The following CDH23 variants were observed in gnomAD, a reference collection of about 807,000 sequenced individuals.
The protein encoded by CDH23 is cadherin related 23.
In CDH23, 189 loss-of-function variants were observed where a neutral mutation model predicts 317.1. The observed-to-expected ratio is 0.60, with a 90% confidence interval of 0.53 to 0.67. The LOEUF is 0.67. CDH23 is among the 30% of genes least tolerant of loss of function. The probability of loss-of-function intolerance (pLI) is 0.00; values close to 1 mark genes in which losing one functional copy is unlikely to be tolerated. For synonymous variants in CDH23, 1,839 were observed against 1,876.8 expected, an observed-to-expected ratio of 0.98 and a Z score of 0.52; for missense variants, 4,401 against 4,592.4, an observed-to-expected ratio of 0.96 and a Z score of 1.20.
Position 71,639,680 on chromosome 10 carries a change from A to G in CDH23, c.1135-4181A>G, listed in dbSNP as rs545262255. On this transcript the variant is annotated intron_variant, in intron 11 of 69. Coordinates refer to ENST00000224721, the MANE Select transcript of CDH23 (RefSeq NM_022124.6). ...TTTCTTTCTCCAAGAAAAGGAGTGG[A>G]CTGACGCTGTCTTTGGGCCATCGTG... is the stretch of plus-strand genomic sequence containing the variant. 2.0e-5 allele frequency among the ~76,000 whole-genome samples: 3 copies of G among 152,296 alleles called. No homozygotes were observed. In the East Asian group the frequency reaches 5.8e-4, roughly 29 times the overall value.
chr10:71,723,968 G>A, intron 28 of CDH23, 77 bp from the exon 29 acceptor site: 1 of 1,504,084 alleles, frequency 6.6e-7, no homozygotes, highest in East Asian at 2.5e-5. Context: ...GTGAAGGGAA[G>A]GAAAGGAACT....
At chr10:71,675,222 T>C (rs773571273) in intron 15 of CDH23, 46 bp downstream of exon 15, 1 of 1,531,256 alleles carries the variant, frequency 6.5e-7, no homozygotes, top group Non-Finnish European at 9.0e-7. Context: ...CAGTGGTCCT[T>C]GGCCCTCCCC....
At chr10:71,728,428 C>T (rs1207708257) in intron 30 of CDH23, among the ~76,000 whole-genome samples, 1 of 152,188 alleles carries the variant, frequency 6.6e-6, no homozygotes, top group Non-Finnish European at 1.5e-5. Flanking sequence ...CTGCCACCCT[C>T]CCCACCCCAG....
At chr10:71,440,050 G>A (rs546743172) in intron 2 of CDH23, among the ~76,000 whole-genome samples, 152 bp downstream of exon 2, 93 of 152,222 alleles carry the variant, frequency 6.1e-4, no homozygotes, top group African/African-American at 2.1e-3. Flanking sequence ...TCCCTCTCTG[G>A]GCCTCAGTTG....
At chr10:71,500,413 C>T (rs1356236702) in intron 3 of CDH23, among the ~76,000 whole-genome samples, 1 of 152,192 alleles carries the variant, frequency 6.6e-6, no homozygotes, top group Admixed American at 6.5e-5. Flanking sequence ...GTGCAGACAC[C>T]TGTGTGGCCA....
chr10:71,552,962 T>G (rs1367275234), intron 6 of CDH23, among the ~76,000 whole-genome samples: 1 of 152,182 alleles, frequency 6.6e-6, no homozygotes, highest in East Asian at 1.9e-4. Context: ...AAACCGTCTG[T>G]GTGACCACCA....
chr10:71,436,432 A>G (rs1442750351), intron 1 of CDH23, among the ~76,000 whole-genome samples: 1 of 152,166 alleles, frequency 6.6e-6, no homozygotes, highest in Non-Finnish European at 1.5e-5. Flanking sequence ...TGTGATGCAT[A>G]TTGTGCTCCG....
chr10:71,662,201 G>A (rs1415526976), intron 14 of CDH23, among the ~76,000 whole-genome samples: 1 of 152,120 alleles, frequency 6.6e-6, no homozygotes, highest in East Asian at 1.9e-4. Flanking sequence ...TCTATCAGAT[G>A]TGTGGCTTGC....
intron 14 of CDH23, among the ~76,000 whole-genome samples, chr10:71,662,305 G>C (rs1407962813): frequency 6.6e-6 from 1 of 152,250 alleles, no homozygotes; most frequent in South Asian, 2.1e-4. Flanking sequence ...TGACAGGCGT[G>C]GGGGGTGTCC....
intron 13 of CDH23, 151 bp from the exon 14 acceptor site, chr10:71,646,308 G>C: frequency 8.2e-7 from 1 of 1,225,874 alleles, no homozygotes; most frequent in African/African-American, 1.5e-5. Flanking sequence ...AATAACAGAC[G>C]GGCTCGCAGT....
In CDH23 at chr10:71,728,467, C is replaced by A. The variant is rs148029457; in HGVS notation, c.3580-2002C>A. On this transcript the variant is annotated intron_variant, in intron 30 of 69. Coordinates refer to ENST00000224721, the MANE Select transcript of CDH23 (RefSeq NM_022124.6). ...CCTCCACTGGTCAGGCTGCTGTTTT[C>A]GGCTTCTACCAGCCAGAAGCTCTGT... Among the ~76,000 whole-genome samples the A allele has an allele frequency of 2.1e-3, 316 of 152,278 alleles. 1 individual carries two copies. Among genetic ancestry groups the A allele is most frequent in the African/African-American group, 7.1e-3 (296 of 41,546 alleles).
intron 9 of CDH23, 56 bp downstream of exon 9, chr10:71,578,048 G>A: frequency 6.7e-7 from 1 of 1,502,710 alleles, no homozygotes; most frequent in Non-Finnish European, 9.1e-7. Flanking sequence ...CACCCAAGGA[G>A]AGCCAGTAGG....
intron 1 of CDH23, among the ~76,000 whole-genome samples, chr10:71,415,428 T>G (rs1174246549): frequency 6.6e-6 from 1 of 152,256 alleles, no homozygotes; most frequent in Non-Finnish European, 1.5e-5. Context: ...TATTGATCAC[T>G]GGATTAATCA....
chr10:71,755,157 G>A (rs1055019729), intron 38 of CDH23: 16 of 662,084 alleles, frequency 2.4e-5, no homozygotes, highest in Middle Eastern at 2.4e-4. Flanking sequence ...GGGGCTGGTG[G>A]GCACTTGGCC....
At chr10:71,549,940 G>A (rs532206595) in intron 6 of CDH23, among the ~76,000 whole-genome samples, 1 of 152,288 alleles carries the variant, frequency 6.6e-6, no homozygotes, top group East Asian at 1.9e-4. Context: ...GCACAGAGCA[G>A]GGTGGAGAGT....
At chr10:71,481,416 G>A (rs949722846) in intron 3 of CDH23, among the ~76,000 whole-genome samples, 5 of 152,152 alleles carry the variant, frequency 3.3e-5, no homozygotes, top group African/African-American at 1.2e-4. Context: ...GTGTGATGGT[G>A]GGGGGAAAGG....
chr10:71,410,892 G>A (rs947384970), intron 1 of CDH23, among the ~76,000 whole-genome samples: 33 of 152,144 alleles, frequency 2.2e-4, no homozygotes, highest in African/African-American at 7.5e-4. Flanking sequence ...TTGGACTGGC[G>A]GGTTGCTTTT....
At chr10:71,655,191 A>T (rs1479375467) in intron 14 of CDH23, among the ~76,000 whole-genome samples, 2 of 152,126 alleles carry the variant, frequency 1.3e-5, no homozygotes, top group Non-Finnish European at 2.9e-5. Flanking sequence ...AAGTGAAAAG[A>T]CAGTGATCCC....
At chr10:71,403,450 TTCCTTTCCTTCCTTCC>T (rs1179532461) in intron 1 of CDH23, among the ~76,000 whole-genome samples, 1,140 of 54,226 alleles carry the variant, frequency 0.021, 123 homozygotes, top group African/African-American at 0.066. Context: ...CCTTCCTTCC[TTCCTTTCCTTCCTTCC>T]TTCCTTCCTT....
Sources: gnomAD v4.1 joint callset for allele counts (sites outside exome capture counted in the v4.1 genomes callset) on GRCh38, gnomAD v4.1.1 for gene constraint, MANE v1.5 for transcripts, NCBI Gene and HGNC (gene_info 2026-07-23, HGNC 2026-07-21) for gene names.